Variants in BCR observed in about 807,000 individuals in gnomAD.
The protein encoded by BCR is breakpoint cluster region protein.
A neutral mutation model predicts 138.6 loss-of-function variants in BCR; 58 were observed. The ratio of observed to expected loss-of-function variants is 0.42; its 90% CI spans 0.34 to 0.52. The LOEUF (loss-of-function observed/expected upper bound fraction) is 0.52, where lower values mean the gene tolerates loss of function less well. Among genes scored for constraint, BCR ranks in the 20% least tolerant of loss-of-function variants. BCR has a pLI of 0.06. For synonymous variants in BCR, 786 were observed against 730.1 expected (o/e 1.08, Z -1.23); for missense variants, 1,599 against 1,727.2 (o/e 0.93, Z 1.32).
chr22:23,270,446 G>A (rs2073497111), intron 5 of BCR, among the ~76,000 whole-genome samples: 3 of 152,178 alleles, frequency 2.0e-5, no homozygotes, highest in Non-Finnish European at 4.4e-5. Flanking sequence ...CCACGGACAC[G>A]TGGGCCGCCT....
intron 16 of BCR, 31 bp downstream of exon 16, chr22:23,295,186 C>A (rs760051744): frequency 2.5e-6 from 4 of 1,584,352 alleles, no homozygotes; most frequent in Non-Finnish European, 3.4e-6. Context: ...CTCCCCTGCC[C>A]GATGCATGGC....
intron 1 of BCR, among the ~76,000 whole-genome samples, chr22:23,189,481 TCA>T (rs1416891689): frequency 3.3e-5 from 5 of 152,108 alleles, no homozygotes; most frequent in African/African-American, 1.2e-4. Flanking sequence ...GGCGACACTC[TCA>T]GTCTTTTCTT....
chr22:23,233,795 A>G (rs994659480), intron 1 of BCR, among the ~76,000 whole-genome samples: 3 of 109,244 alleles, frequency 2.7e-5, no homozygotes, highest in African/African-American at 1.2e-4. Context: ...GTCTCAAAAA[A>G]AAAAAAAAGA....
chr22:23,212,287 T>C (rs1266318500), intron 1 of BCR, among the ~76,000 whole-genome samples: 1 of 152,126 alleles, frequency 6.6e-6, no homozygotes, highest in Non-Finnish European at 1.5e-5. Flanking sequence ...ACACACTGGG[T>C]TTGTACAGGA....
intron 1 of BCR, 134 bp from the exon 2 acceptor site, chr22:23,253,665 G>A (rs1178926703): frequency 1.2e-5 from 12 of 1,011,252 alleles, no homozygotes; most frequent in South Asian, 3.3e-5. Flanking sequence ...TGAAGGGGAC[G>A]TCAGCATACC....
At chr22:23,300,774 G>A (rs1224203875) in intron 16 of BCR, among the ~76,000 whole-genome samples, 2 of 152,212 alleles carry the variant, frequency 1.3e-5, no homozygotes, top group African/African-American at 2.4e-5. Flanking sequence ...ACTCCAGCCA[G>A]CCAGCCAGAG....
intron 16 of BCR, among the ~76,000 whole-genome samples, chr22:23,309,065 C>T (rs192565540): frequency 6.6e-6 from 1 of 152,180 alleles, no homozygotes; most frequent in Non-Finnish European, 1.5e-5. Flanking sequence ...GGAGTTGTTA[C>T]TGAAGTTGCT....
At chr22:23,305,822 G>A (rs131690) in intron 16 of BCR, among the ~76,000 whole-genome samples, 76,248 of 152,056 alleles carry the variant, frequency 0.5, 19,554 homozygotes, top group East Asian at 0.74. Flanking sequence ...CAGCAGGCAT[G>A]TTCCTCACCA....
rs771045791 is a variant in BCR, at chr22:23,285,144, G to T, written c.2349G>T (p.Glu783Asp). The part of the protein sequence containing the change: ...VPNIPLVPDE[E>D]LDALKIKISQ... ...ACATCCCCCTGGTGCCCGATGAGGAGCTGGACGCTTTGAAGATCAAGATCT... is the reference window on the plus strand; with the variant it reads ...ACATCCCCCTGGTGCCCGATGAGGATCTGGACGCTTTGAAGATCAAGATCT... The change falls in exon 10 of 23, where the codon GAG (glutamate) becomes GAT (aspartate). Residue 783 changes from glutamate to aspartate, a missense_variant. Physicochemically the swap from Glu to Asp is conservative, Grantham distance 45. Around this residue, in one of 4 missense-constraint regions of BCR, gnomAD observed 590 missense variants for 762.4 expected, o/e 0.77. Coordinates refer to ENST00000305877, the MANE Select transcript of BCR (RefSeq NM_004327.4). The T allele has an allele frequency of 3.1e-6, 5 of 1,614,018 alleles. No individual in the cohort carries two copies. The highest frequency in any genetic ancestry group is 4.2e-6 in the Non-Finnish European group (5 of 1,179,978).
intron 1 of BCR, chr22:23,251,281 C>T (rs2073225626): frequency 6.6e-6 from 1 of 152,284 alleles, no homozygotes; most frequent in South Asian, 2.1e-4. Flanking sequence ...TGGGGTCGCT[C>T]AGCAGGTCTA....
intron 1 of BCR, among the ~76,000 whole-genome samples, chr22:23,226,918 G>C (rs537349017): frequency 1.3e-5 from 2 of 152,318 alleles, no homozygotes; most frequent in South Asian, 4.1e-4. Context: ...GTTTGGGTTT[G>C]GGGGAGATTG....
chr22:23,313,593 ACCTCCTTGTGTT>A (rs1214888115), intron 20 of BCR, among the ~76,000 whole-genome samples: 1 of 151,338 alleles, frequency 6.6e-6, no homozygotes, highest in Non-Finnish European at 1.5e-5. Context: ...CCCACTTCCC[ACCTCCTTGTGTT>A]CCTCACTCCC....
intron 1 of BCR, among the ~76,000 whole-genome samples, chr22:23,207,844 T>A (rs1162024426): frequency 6.6e-6 from 1 of 152,154 alleles, no homozygotes; most frequent in Admixed American, 6.5e-5. Context: ...CAGAGAAGAC[T>A]TCTGCATGGA....
At chr22:23,191,897 C>T (rs1355068390) in intron 1 of BCR, among the ~76,000 whole-genome samples, 1 of 152,194 alleles carries the variant, frequency 6.6e-6, no homozygotes, top group Non-Finnish European at 1.5e-5. Context: ...GGTTCTGTTT[C>T]CTTCTTTGCT....
intron 10 of BCR, among the ~76,000 whole-genome samples, chr22:23,286,680 C>A (rs974853452): frequency 4.6e-5 from 7 of 152,186 alleles, no homozygotes; most frequent in African/African-American, 1.4e-4. Flanking sequence ...CATGGCTCAG[C>A]ATAGGAAGGG....
At chr22:23,217,944 C>T (rs1381782274) in intron 1 of BCR, among the ~76,000 whole-genome samples, 1 of 152,134 alleles carries the variant, frequency 6.6e-6, no homozygotes, top group Non-Finnish European at 1.5e-5. Context: ...GGCCCAGGCT[C>T]CTACATTGCC....
intron 20 of BCR, among the ~76,000 whole-genome samples, chr22:23,313,266 G>C (rs185392148): frequency 5.9e-5 from 9 of 152,218 alleles, no homozygotes; most frequent in African/African-American, 1.4e-4. Flanking sequence ...AGTCAGCACT[G>C]CTGTGCTGTG....
intron 5 of BCR, among the ~76,000 whole-genome samples, chr22:23,269,144 A>G (rs917452659): frequency 2.0e-5 from 3 of 152,236 alleles, no homozygotes; most frequent in Non-Finnish European, 4.4e-5. Context: ...TCATTCAGAA[A>G]CAGAGACCAT....
intron 6 of BCR, among the ~76,000 whole-genome samples, chr22:23,272,248 TG>T (rs1336374422): frequency 6.6e-6 from 1 of 152,224 alleles, no homozygotes; most frequent in Non-Finnish European, 1.5e-5. Context: ...TGTCAGGAAT[TG>T]TCAGTCACTT....
Sources: allele counts gnomAD v4.1 joint callset (sites outside exome capture counted in the v4.1 genomes callset), GRCh38; gene constraint gnomAD v4.1.1; regional missense constraint gnomAD v4.1.1; transcripts MANE v1.5; gene names NCBI Gene and HGNC (gene_info 2026-07-23, HGNC 2026-07-21).